The following RERE variants were observed in gnomAD, a reference collection of about 807,000 sequenced individuals.
The protein encoded by RERE is arginine-glutamic acid dipeptide repeats protein.
A neutral mutation model predicts 146.1 loss-of-function variants in RERE; 40 were observed. The observed-to-expected ratio is 0.27, with a 90% CI of 0.21 to 0.36. The LOEUF (loss-of-function observed/expected upper bound fraction) is 0.36, where lower values mean the gene tolerates loss of function less well. Among genes scored for constraint, RERE ranks in the 10% least tolerant of loss-of-function variants. RERE has a pLI of 1.00. For synonymous variants in RERE, 1,003 were observed against 866.0 expected, an observed-to-expected ratio of 1.16 and a Z score of -2.78; for missense variants, 1,933 against 2,138.7, an observed-to-expected ratio of 0.90 and a Z score of 1.90.
chr1:8,472,582 T>C (rs1394289847), intron 10 of RERE, among the ~76,000 whole-genome samples: 2 of 152,222 alleles, frequency 1.3e-5, no homozygotes, highest in South Asian at 2.1e-4. Context: ...TCTGTCCATT[T>C]TGCAGCCAAG....
chr1:8,685,748 G>C (rs35463090), intron 1 of RERE, among the ~76,000 whole-genome samples: 11 of 152,090 alleles, frequency 7.2e-5, no homozygotes, highest in Non-Finnish European at 1.6e-4. Flanking sequence ...GTGGTACAAT[G>C]TATAAACCAA....
rs146882204 is a variant in RERE at position 8,695,036 on chromosome 1, G to A, written c.-144-38595C>T. Among the ~76,000 whole-genome samples the A allele has an allele frequency of 4.0e-4, 58 of 144,484 alleles. 1 individual carries two copies. The East Asian group carries it at 8.9e-3, about 22-fold the overall frequency. The allele number at this position is 144,484 out of a possible 152,430, so 94.8% of individuals were successfully genotyped here. ...ACTTCAAGCTATACTATAAGGCTACGGTAATCAAAACAGGAGGGTACAGGT... is the reference window on the plus strand; with the variant it reads ...ACTTCAAGCTATACTATAAGGCTACAGTAATCAAAACAGGAGGGTACAGGT... On this transcript the variant is annotated intron_variant, in intron 1 of 22. Coordinates refer to ENST00000400908, the MANE Select transcript of RERE (RefSeq NM_001042681.2).
chr1:8,788,018 A>T (rs1243728518), intron 1 of RERE, among the ~76,000 whole-genome samples: 1 of 152,102 alleles, frequency 6.6e-6, no homozygotes. Flanking sequence ...GGACGGCTTG[A>T]GCCCGGGAGG....
intron 2 of RERE, among the ~76,000 whole-genome samples, chr1:8,642,943 C>T (rs1220949363): frequency 6.6e-6 from 1 of 152,152 alleles, no homozygotes; most frequent in Non-Finnish European, 1.5e-5. Flanking sequence ...ACTCTGCCTG[C>T]GCTAATAGGT....
At chr1:8,785,333 C>A (rs1455092028) in intron 1 of RERE, among the ~76,000 whole-genome samples, 1 of 152,216 alleles carries the variant, frequency 6.6e-6, no homozygotes, top group Non-Finnish European at 1.5e-5. Flanking sequence ...CTAAACAGGT[C>A]TAGGCTAATA....
At chr1:8,525,744 G>T in intron 7 of RERE, 1 of 1,594,524 alleles carries the variant, frequency 6.3e-7, no homozygotes, top group Non-Finnish European at 8.5e-7. Context: ...GTGAGGCCAG[G>T]GGAAGATAGC....
At chr1:8,610,582 A>T (rs1646782010) in intron 4 of RERE, among the ~76,000 whole-genome samples, 1 of 152,124 alleles carries the variant, frequency 6.6e-6, no homozygotes, top group South Asian at 2.1e-4. Flanking sequence ...GCGACAGAGC[A>T]AGACTCCATC....
At chr1:8,427,977 A>C (rs1460069093) in intron 11 of RERE, among the ~76,000 whole-genome samples, 2 of 152,328 alleles carry the variant, frequency 1.3e-5, no homozygotes, top group South Asian at 4.1e-4. Flanking sequence ...AGGCCCTATA[A>C]GCCTCTAAAT....
intron 12 of RERE, among the ~76,000 whole-genome samples, chr1:8,400,222 A>ATGTGTGTGTGTGTGTGTGTGTGTG (rs1553161719): frequency 2.1e-5 from 3 of 140,060 alleles, no homozygotes; most frequent in East Asian, 2.2e-4. Context: ...CCTGTGTCAT[A>ATGTGTGTGTGTGTGTGTGTGTGTG]TGTGTGTGTG....
Position 8,436,310 on chromosome 1 carries a change from C to T in RERE, c.1204-13503G>A, listed in dbSNP as rs188949789. On this transcript the variant is annotated intron_variant, in intron 11 of 22. Transcript: ENST00000400908. ...CTCCAACCTGGGCGACAGAGCGAGACTCAATCTCAAATAAATAAATAAAAA... is the reference window on the plus strand; with the variant it reads ...CTCCAACCTGGGCGACAGAGCGAGATTCAATCTCAAATAAATAAATAAAAA... Among the ~76,000 whole-genome samples, 30 of 152,266 alleles carry T rather than the reference C, an allele frequency of 2.0e-4. No homozygotes were observed. In the East Asian group the frequency reaches 5.2e-3, roughly 26 times the overall value.
Position 8,356,689 on chromosome 1 carries a change from C to T in RERE, c.4340-443G>A, listed in dbSNP as rs572167461. The stretch of plus-strand genomic sequence containing the variant: ...TTCACTCGCAGAACCTAAAGGAGGC[C>T]AGCAGAGTGGGTGGCGCAGAATGGG... On this transcript the variant is annotated intron_variant, in intron 20 of 22. Transcript: ENST00000400908. This position sits in a 1 kb window ranked among gnomAD's most constrained non-coding sequence, Gnocchi z 5.2. Among the ~76,000 whole-genome samples, 1 of 152,300 alleles carries T rather than the reference C, an allele frequency of 6.6e-6. No homozygotes were observed. The highest frequency in any genetic ancestry group is 2.1e-4 in the South Asian group (1 of 4,824).
In RERE at chr1:8,508,523, C is replaced by T. The variant is rs1570364537; in HGVS notation, c.879+104G>A. On this transcript the variant is annotated intron_variant, in intron 8 of 22. Coordinates refer to ENST00000400908, the MANE Select transcript of RERE (RefSeq NM_001042681.2). ...AACCTCTGTATTTATAAAAAATTCC[C>T]GATAGCAATAACCACATTCTAAGAT... The T allele has an allele frequency of 1.4e-5, 12 of 876,310 alleles. No individual in the cohort carries two copies. The East Asian group carries it at 2.4e-4, about 18-fold the overall frequency. 54.3% of individuals were successfully genotyped at this position (876,310 alleles called of 1,614,324 possible). A position where few individuals can be genotyped will look rare whatever the true frequency, so the allele number is the denominator to read the frequency against.
chr1:8,394,597 A>G (rs181046192), intron 12 of RERE, among the ~76,000 whole-genome samples: 1 of 152,356 alleles, frequency 6.6e-6, no homozygotes, highest in Admixed American at 6.5e-5. Context: ...GCTACTGCAG[A>G]GAACAAACTT....
At chr1:8,518,044 C>T in intron 7 of RERE, among the ~76,000 whole-genome samples, 1 of 152,200 alleles carries the variant, frequency 6.6e-6, no homozygotes, top group East Asian at 1.9e-4. Flanking sequence ...GATGCGGCCA[C>T]TTCTTCACCC....
At chr1:8,617,608 C>T (rs888888074) in intron 3 of RERE, among the ~76,000 whole-genome samples, 4 of 152,144 alleles carry the variant, frequency 2.6e-5, no homozygotes, top group African/African-American at 7.2e-5. Context: ...GAAAGAAATA[C>T]TCAATTTTGC....
intron 7 of RERE, among the ~76,000 whole-genome samples, chr1:8,514,514 G>A (rs1645385971): frequency 2.0e-5 from 3 of 152,148 alleles, no homozygotes; most frequent in Admixed American, 6.5e-5. Context: ...TGGATCACCT[G>A]AGGTCAGGAG....
intron 1 of RERE, among the ~76,000 whole-genome samples, chr1:8,808,324 C>T (rs1191514556): frequency 6.6e-6 from 1 of 152,040 alleles, no homozygotes; most frequent in East Asian, 1.9e-4. Context: ...GAATTGGTAC[C>T]TCAAAGAGAA....
chr1:8,695,494 A>G (rs570494003), intron 1 of RERE, among the ~76,000 whole-genome samples: 1 of 151,270 alleles, frequency 6.6e-6, no homozygotes, highest in African/African-American at 2.4e-5. Flanking sequence ...TCATGCCTAT[A>G]ATCCCAGCAT....
At chr1:8,807,397 C>CA (rs1341996021) in intron 1 of RERE, among the ~76,000 whole-genome samples, 1 of 152,146 alleles carries the variant, frequency 6.6e-6, no homozygotes, top group East Asian at 1.9e-4. Flanking sequence ...CGCCGCCCCC[C>CA]ACCCAGTCCC....
Sources: allele counts gnomAD v4.1 joint callset (sites outside exome capture counted in the v4.1 genomes callset), GRCh38; gene constraint gnomAD v4.1.1; non-coding constraint Gnocchi (gnomAD v3.1); transcripts MANE v1.5; gene names NCBI Gene and HGNC (gene_info 2026-07-23, HGNC 2026-07-21).